MAN1A2: variants seen among roughly 807,000 people sequenced by gnomAD.
The protein encoded by MAN1A2 is mannosyl-oligosaccharide 1,2-alpha-mannosidase IB.
A neutral mutation model predicts 75.7 loss-of-function variants in MAN1A2; 26 were observed. That is an observed-to-expected ratio of 0.34 (90% CI 0.25 to 0.48). MAN1A2 has a LOEUF of 0.48. MAN1A2 is among the 20% of genes least tolerant of loss of function. The pLI is 0.99. For missense variants in MAN1A2, 562 were observed against 775.5 expected, an observed-to-expected ratio of 0.72 and a Z score of 3.27; for synonymous variants, 247 against 264.6, an observed-to-expected ratio of 0.93 and a Z score of 0.65.
At chr1:117,417,307 G>C (rs967075252) in intron 4 of MAN1A2, among the ~76,000 whole-genome samples, 1 of 151,464 alleles carries the variant, frequency 6.6e-6, no homozygotes, top group African/African-American at 2.4e-5. Flanking sequence ...TCCAACCTTA[G>C]AGTCTTTTTA....
At position 117,368,103 on chromosome 1, in the gene MAN1A2, G is replaced by T. The variant is rs1452056577; in HGVS notation, c.-81G>T. On this transcript the variant is annotated 5_prime_UTR_variant, in exon 1 of 13. Coordinates refer to ENST00000356554, the MANE Select transcript of MAN1A2 (RefSeq NM_006699.5). Reference sequence around the variant, plus strand: ...AATTGAGTTTTCCCATTTTGGCCAAGATTTTGAAGACAGTTCAATGTATTC... The same window carrying T: ...AATTGAGTTTTCCCATTTTGGCCAATATTTTGAAGACAGTTCAATGTATTC... 9.2e-6 allele frequency: 13 copies of T among 1,406,280 alleles called. No individual in the cohort carries two copies. The East Asian group carries it at 2.1e-4, about 22-fold the overall frequency. 87.1% of individuals were successfully genotyped at this position (1,406,280 alleles called of 1,614,324 possible).
At chr1:117,429,798 G>T in intron 5 of MAN1A2, among the ~76,000 whole-genome samples, 2 of 100,598 alleles carry the variant, frequency 2.0e-5, no homozygotes, top group Non-Finnish European at 4.3e-5. Flanking sequence ...GCGGCTGGCC[G>T]GGCGGGGGGC....
intron 8 of MAN1A2, among the ~76,000 whole-genome samples, chr1:117,485,316 ACTT>A (rs1486022779): frequency 6.6e-6 from 1 of 151,992 alleles, no homozygotes; most frequent in Non-Finnish European, 1.5e-5. Context: ...TTATAGTAGT[ACTT>A]CTGCTTCATG....
Position 117,502,977 on chromosome 1 carries a change from A to T in MAN1A2, c.1793+7A>T. 2.1e-6 allele frequency: 3 copies of T among 1,452,846 alleles called. No homozygotes were observed. The highest frequency in any genetic ancestry group is 2.8e-6 in the Non-Finnish European group (3 of 1,054,558). The allele number at this position is 1,452,846 out of a possible 1,614,324, so 90.0% of individuals were successfully genotyped here. A position where few individuals can be genotyped will look rare whatever the true frequency, so the allele number is the denominator to read the frequency against. On this transcript the variant is annotated splice_region_variant and intron_variant, in intron 12 of 12. Transcript: ENST00000356554. ...TTCTTGCTGAAACATTAAAGTAAGT[A>T]TATAGCTTTAAAAAATATTTTTATA... is the stretch of plus-strand genomic sequence containing the variant.
intron 9 of MAN1A2, chr1:117,495,063 A>G (rs1438406940): frequency 2.6e-5 from 4 of 151,808 alleles, no homozygotes; most frequent in Non-Finnish European, 2.9e-5. Context: ...TCCAAAGGAA[A>G]AAAATTGTAT....
chr1:117,498,292 C>T (rs1651096800), intron 10 of MAN1A2, among the ~76,000 whole-genome samples: 1 of 151,640 alleles, frequency 6.6e-6, no homozygotes, highest in Admixed American at 6.6e-5. Context: ...TATTAGGATC[C>T]ATGAGAATAA....
At chr1:117,406,535 GT>G (rs2101760247) in intron 3 of MAN1A2, among the ~76,000 whole-genome samples, 1 of 152,140 alleles carries the variant, frequency 6.6e-6, no homozygotes, top group Admixed American at 6.5e-5. Context: ...TTTGTTCATT[GT>G]TGCTTGCTTT....
At chr1:117,458,510 T>TATAG (rs1283460162) in intron 6 of MAN1A2, among the ~76,000 whole-genome samples, 73 of 95,326 alleles carry the variant, frequency 7.7e-4, no homozygotes, top group African/African-American at 3.2e-3. Flanking sequence ...TATATATATA[T>TATAG]AGATATATAT....
At chr1:117,430,802 C>A (rs1174548141) in intron 5 of MAN1A2, among the ~76,000 whole-genome samples, 1 of 58,420 alleles carries the variant, frequency 1.7e-5, no homozygotes, top group Non-Finnish European at 3.3e-5. Flanking sequence ...ACTTCCCAGA[C>A]GGGGTGGCGG....
intron 1 of MAN1A2, among the ~76,000 whole-genome samples, chr1:117,389,957 G>A (rs1445696419): frequency 6.6e-6 from 1 of 152,120 alleles, no homozygotes; most frequent in African/African-American, 2.4e-5. Context: ...ATCTCTTGAT[G>A]ATCATGAGGT....
intron 12 of MAN1A2, chr1:117,515,791 A>G (rs550571665): frequency 4.6e-5 from 7 of 152,270 alleles, no homozygotes; most frequent in Non-Finnish European, 1.0e-4. Context: ...GAAACAAAGT[A>G]GAATGTTGGT....
chr1:117,468,649 T>A (rs1326630993), intron 8 of MAN1A2, among the ~76,000 whole-genome samples: 2 of 152,168 alleles, frequency 1.3e-5, no homozygotes, highest in African/African-American at 4.8e-5. Context: ...TTGTAGCTAG[T>A]GCTTCTACAT....
chr1:117,372,886 T>C (rs745702284), intron 1 of MAN1A2, among the ~76,000 whole-genome samples: 1 of 152,000 alleles, frequency 6.6e-6, no homozygotes, highest in Non-Finnish European at 1.5e-5. Flanking sequence ...AGTCAGAACT[T>C]TGTTAGTCTG....
intron 6 of MAN1A2, among the ~76,000 whole-genome samples, chr1:117,447,104 ATC>A (rs1438318859): frequency 2.6e-5 from 4 of 151,962 alleles, no homozygotes; most frequent in Non-Finnish European, 5.9e-5. Flanking sequence ...TTCATGGTTT[ATC>A]TCTTTTTTTC....
chr1:117,402,029 A>G (rs1201770706), intron 1 of MAN1A2, among the ~76,000 whole-genome samples, 157 bp from the exon 2 acceptor site: 1 of 152,146 alleles, frequency 6.6e-6, no homozygotes, highest in Non-Finnish European at 1.5e-5. Flanking sequence ...TTCTCATTCC[A>G]GATCTGAATG....
chr1:117,494,531 A>G (rs944980534), intron 9 of MAN1A2: 2 of 152,024 alleles, frequency 1.3e-5, no homozygotes, highest in Admixed American at 6.6e-5. Flanking sequence ...CCTACTGTTC[A>G]GGCACATAAT....
rs1652813708 is a variant in MAN1A2, at chr1:117,367,690, C to G, written c.-494C>G. The G allele has an allele frequency of 6.6e-6, 1 of 152,460 alleles. No homozygotes were observed. The highest frequency in any genetic ancestry group is 1.5e-5 in the Non-Finnish European group (1 of 68,236). The allele number at this position is 152,460 out of a possible 1,614,324, so 9.4% of individuals were successfully genotyped here. A position where few individuals can be genotyped will look rare whatever the true frequency, so the allele number is the denominator to read the frequency against. ...GGAGACCTTCCTCCCTGTTTGCAGA[C>G]GTCCGTGGGAGACCCTTATTTTTTC... On this transcript the variant is annotated 5_prime_UTR_variant, in exon 1 of 13. Coordinates refer to ENST00000356554, the MANE Select transcript of MAN1A2 (RefSeq NM_006699.5).
chr1:117,382,807 C>T (rs1236141739), intron 1 of MAN1A2, among the ~76,000 whole-genome samples: 2 of 152,060 alleles, frequency 1.3e-5, no homozygotes, highest in Admixed American at 1.3e-4. Flanking sequence ...ATTCTTCCTA[C>T]CCATGAGCAT....
chr1:117,476,713 C>G (rs756554006), intron 8 of MAN1A2, among the ~76,000 whole-genome samples: 1 of 151,910 alleles, frequency 6.6e-6, no homozygotes, highest in Non-Finnish European at 1.5e-5. Flanking sequence ...TTTCATTGGT[C>G]TATATTTCTG....
Sources: gnomAD v4.1 joint callset for allele counts (sites outside exome capture counted in the v4.1 genomes callset) on GRCh38, gnomAD v4.1.1 for gene constraint, MANE v1.5 for transcripts, NCBI Gene and HGNC (gene_info 2026-07-23, HGNC 2026-07-21) for gene names.